Variants in ZNF69 observed in about 807,000 individuals in gnomAD.
ZNF69 encodes ZNF3.
ZNF69 carries 47 observed loss-of-function variants against 50.9 expected under a neutral mutation model. The ratio of observed to expected loss-of-function variants is 0.92; its 90% CI spans 0.73 to 1.18. ZNF69 has a LOEUF of 1.18. Ranked by LOEUF, ZNF69 falls within the 50% of genes most tolerant of loss-of-function variation. The pLI is 0.00. For synonymous variants in ZNF69, 216 were observed against 223.1 expected, an observed-to-expected ratio of 0.97 and a Z score of 0.29; for missense variants, 717 against 675.1, an observed-to-expected ratio of 1.06 and a Z score of -0.69.
At chr19:11,916,257 C>T (rs1599269329), downstream of ZNF69, among the ~76,000 whole-genome samples, 1 of 152,204 alleles carries the variant, frequency 6.6e-6, no homozygotes, top group East Asian at 1.9e-4. Context: ...AAATAAATAT[C>T]TTAAAAGATA....
chr19:11,918,362 T>A (rs1972539586), downstream of ZNF69, among the ~76,000 whole-genome samples: 1 of 152,226 alleles, frequency 6.6e-6, no homozygotes, highest in Non-Finnish European at 1.5e-5. Context: ...GTGTGATTAT[T>A]TATTGCTTTT....
the ZNF69 span, among the ~76,000 whole-genome samples, chr19:11,963,514 T>C: frequency 6.6e-6 from 1 of 152,222 alleles, no homozygotes; most frequent in East Asian, 1.9e-4. Flanking sequence ...CGTTCACTTT[T>C]CTTTCCATAA....
chr19:11,920,880 C>A, the ZNF69 span, among the ~76,000 whole-genome samples: 1 of 152,150 alleles, frequency 6.6e-6, no homozygotes, highest in Non-Finnish European at 1.5e-5. Context: ...ATAATTACAA[C>A]CAAAATCCTA....
At chr19:11,918,706 C>T (rs1041379124), downstream of ZNF69, among the ~76,000 whole-genome samples, 3 of 152,018 alleles carry the variant, frequency 2.0e-5, no homozygotes, top group East Asian at 3.9e-4. Flanking sequence ...CCTCTTGCCT[C>T]GGCCTCCCAA....
the ZNF69 span, among the ~76,000 whole-genome samples, chr19:11,964,040 A>C: frequency 6.6e-6 from 1 of 152,200 alleles, no homozygotes; most frequent in Non-Finnish European, 1.5e-5. Flanking sequence ...GTCGGGTGAG[A>C]AGTAGCTGAA....
chr19:11,948,791 G>A, the ZNF69 span: 2 of 1,611,172 alleles, frequency 1.2e-6, no homozygotes, highest in Non-Finnish European at 1.7e-6. Flanking sequence ...AAACAATGTG[G>A]TAAATCCTTT....
chr19:11,944,220 T>C, the ZNF69 span, among the ~76,000 whole-genome samples: 1 of 152,106 alleles, frequency 6.6e-6, no homozygotes, highest in Non-Finnish European at 1.5e-5. Flanking sequence ...TTCACCTAAT[T>C]CTCAGGGAGT....
chr19:11,915,400 G>T (rs1599268920), downstream of ZNF69, among the ~76,000 whole-genome samples: 1 of 152,244 alleles, frequency 6.6e-6, no homozygotes, highest in South Asian at 2.1e-4. Flanking sequence ...TGAAAGTGCA[G>T]GCTGAGGGTG....
chr19:11,950,500 A>G, the ZNF69 span: 6 of 652,378 alleles, frequency 9.2e-6, no homozygotes, highest in African/African-American at 1.8e-5. Context: ...GTTTGATATC[A>G]TGAAAGGACT....
At chr19:11,897,668 C>G (rs1032593933) in intron 1 of ZNF69, among the ~76,000 whole-genome samples, 1 of 150,470 alleles carries the variant, frequency 6.6e-6, no homozygotes, top group Non-Finnish European at 1.5e-5. Flanking sequence ...GTCAGGAGAT[C>G]GAGACCATCC....
chr19:11,905,642 C>G lies in ZNF69; in HGVS notation c.1245C>G (p.Pro415=). The change falls in exon 4 of 4, where the codon CCC becomes CCG. Residue 415 remains proline (P), a synonymous_variant. Coordinates refer to ENST00000429654, the MANE Select transcript of ZNF69 (RefSeq NM_001364730.1). ...YHERIHTGEK[P]YECKQCGKAF... ...AAAGGATTCACACTGGAGAGAAACC[C>G]TATGAGTGTAAGCAATGTGGGAAGG... 6.2e-7 allele frequency: 1 copy of G among 1,613,910 alleles called. No individual in the cohort carries two copies. Among genetic ancestry groups the G allele is most frequent in the Non-Finnish European group, 8.5e-7 (1 of 1,179,974 alleles).
downstream of ZNF69, among the ~76,000 whole-genome samples, chr19:11,914,953 C>T (rs1351780838): frequency 6.6e-6 from 1 of 152,204 alleles, no homozygotes; most frequent in Non-Finnish European, 1.5e-5. Flanking sequence ...CCTGTAATCC[C>T]ACCACTTTGC....
chr19:11,924,062 T>C, the ZNF69 span, among the ~76,000 whole-genome samples: 2 of 152,144 alleles, frequency 1.3e-5, no homozygotes, highest in Admixed American at 6.5e-5. Flanking sequence ...GTGTTGTACC[T>C]CTGGAGCTGT....
chr19:11,979,688 A>T, the ZNF69 span: 1 of 1,601,626 alleles, frequency 6.2e-7, no homozygotes, highest in Non-Finnish European at 8.5e-7. Flanking sequence ...GCATGCTGGG[A>T]CTCACCCTGA....
intron 1 of ZNF69, among the ~76,000 whole-genome samples, chr19:11,893,390 C>G (rs1661494603): frequency 6.6e-6 from 1 of 152,148 alleles, no homozygotes; most frequent in African/African-American, 2.4e-5. Flanking sequence ...TGCCGGATCT[C>G]AAATCCTCCA....
chr19:11,909,112 A>T (rs111980378), downstream of ZNF69, among the ~76,000 whole-genome samples: 15 of 152,284 alleles, frequency 9.9e-5, no homozygotes, highest in African/African-American at 3.1e-4. Context: ...CCCTCCCAAG[A>T]CTAAACCAGG....
chr19:11,919,086 G>T (rs1325052344), downstream of ZNF69, among the ~76,000 whole-genome samples: 1 of 151,886 alleles, frequency 6.6e-6, no homozygotes, highest in African/African-American at 2.4e-5. Context: ...TAGTAGAGAC[G>T]GGGTTTCATC....
chr19:11,906,082 A>G lies in ZNF69; in HGVS notation c.1685A>G (p.Tyr562Cys), dbSNP rs780353531. The G allele has an allele frequency of 6.2e-6, 10 of 1,612,158 alleles. No individual in the cohort carries two copies. The South Asian group carries it at 8.8e-5, about 14-fold the overall frequency. The change falls in exon 4 of 4, where the codon TAT becomes TGT. Residue 562 changes from tyrosine to cysteine, a missense_variant. Physicochemically the swap from Tyr to Cys is radical, Grantham distance 194 (BLOSUM62 -2). Transcript: ENST00000429654. Reference sequence around the variant, plus strand: ...AGGACTCACCCTGAAGATAAACCCTATGAGTGTAAGCAATGAGGGAAAGCC... The same window carrying G: ...AGGACTCACCCTGAAGATAAACCCTGTGAGTGTAAGCAATGAGGGAAAGCC... Reference protein sequence around the residue: ...HGRTHPEDKPYECKQ With the variant: ...HGRTHPEDKPCECKQ
the ZNF69 span, among the ~76,000 whole-genome samples, chr19:11,964,376 A>G: frequency 2.6e-5 from 4 of 152,194 alleles, no homozygotes; most frequent in Non-Finnish European, 5.9e-5. Flanking sequence ...AGTTGTTTGT[A>G]TATATAAAGA....
Sources: gnomAD v4.1 joint callset for allele counts (sites outside exome capture counted in the v4.1 genomes callset) on GRCh38, gnomAD v4.1.1 for gene constraint, MANE v1.5 for transcripts, NCBI Gene and HGNC (gene_info 2026-07-23, HGNC 2026-07-21) for gene names.